Variants in SNTG1 observed in about 807,000 individuals in gnomAD.
SNTG1 encodes the protein gamma-1-syntrophin.
A neutral mutation model predicts 74.7 loss-of-function variants in SNTG1; 39 were observed. That is an observed-to-expected ratio of 0.52 (90% CI 0.40 to 0.68). The LOEUF is 0.68. Ranked by LOEUF, SNTG1 falls within the 30% of genes least tolerant of loss-of-function variation. SNTG1 has a pLI of 0.00. For synonymous variants in SNTG1, 254 were observed against 217.1 expected, an observed-to-expected ratio of 1.17 and a Z score of -1.49; for missense variants, 685 against 609.5, an observed-to-expected ratio of 1.12 and a Z score of -1.30.
chr8:50,471,576 A>G (rs909039099), intron 8 of SNTG1, among the ~76,000 whole-genome samples: 4 of 152,166 alleles, frequency 2.6e-5, no homozygotes, highest in Admixed American at 6.5e-5. Context: ...CAAGTTACAT[A>G]TTATCTTAGC....
chr8:50,470,478 G>T (rs1283431464), intron 8 of SNTG1, among the ~76,000 whole-genome samples: 2 of 152,076 alleles, frequency 1.3e-5, no homozygotes, highest in Non-Finnish European at 1.5e-5. Context: ...GTGGGTTCAT[G>T]GTCTTCCCGA....
chr8:50,752,150 C>A, intron 18 of SNTG1, 39 bp downstream of exon 18: 1 of 1,097,734 alleles, frequency 9.1e-7, no homozygotes, highest in Non-Finnish European at 1.3e-6. Context: ...CCTCTAACTA[C>A]ATTAATGCCA....
chr8:49,950,216 A>T (rs981174906), intron 1 of SNTG1, among the ~76,000 whole-genome samples: 1 of 152,254 alleles, frequency 6.6e-6, no homozygotes, highest in Admixed American at 6.5e-5. Flanking sequence ...ATATCTTTAC[A>T]GACTCTTCTC....
At chr8:49,972,559 T>C (rs1472453424) in intron 1 of SNTG1, among the ~76,000 whole-genome samples, 2 of 151,882 alleles carry the variant, frequency 1.3e-5, no homozygotes, top group African/African-American at 4.8e-5. Flanking sequence ...CAAAAGAAAC[T>C]ACCATCAGAG....
At chr8:50,259,089 A>T (rs1416328913) in intron 2 of SNTG1, among the ~76,000 whole-genome samples, 2 of 152,318 alleles carry the variant, frequency 1.3e-5, no homozygotes, top group East Asian at 1.9e-4. Flanking sequence ...ATGACTTCTC[A>T]TTATTTACAA....
intron 17 of SNTG1, among the ~76,000 whole-genome samples, chr8:50,747,371 C>T (rs1016450867): frequency 2.6e-5 from 4 of 151,950 alleles, no homozygotes; most frequent in East Asian, 1.9e-4. Context: ...GCGTGCTACT[C>T]ATATTCCTCC....
chr8:50,462,794 CTCTTTTTTTT>C (rs1467495043), intron 8 of SNTG1, among the ~76,000 whole-genome samples: 14,407 of 43,548 alleles, frequency 0.33, 5,338 homozygotes, highest in East Asian at 0.48. Context: ...TCAGGTTCTA[CTCTTTTTTTT>C]TTTTTTTTTT....
chr8:50,420,489 G>C (rs552143204), intron 4 of SNTG1, among the ~76,000 whole-genome samples: 1 of 152,122 alleles, frequency 6.6e-6, no homozygotes, highest in Non-Finnish European at 1.5e-5. Flanking sequence ...TATAAGAAAA[G>C]TATTTCATTA....
At position 50,449,662 on chromosome 8, in the gene SNTG1, T is replaced by A; in HGVS notation, c.220-6T>A. ...AAAAGTACAATATATGATTTTCTCTTTTCAGGGAGGAGCAGAACATAACAT... is the reference window on the plus strand; with the variant it reads ...AAAAGTACAATATATGATTTTCTCTATTCAGGGAGGAGCAGAACATAACAT... On this transcript the variant is annotated splice_region_variant and splice_polypyrimidine_tract_variant and intron_variant, in intron 5 of 18. Coordinates refer to ENST00000642720, the MANE Select transcript of SNTG1 (RefSeq NM_018967.5). 1 of 1,587,704 alleles carries A rather than the reference T, an allele frequency of 6.3e-7. No individual in the cohort carries two copies. Among genetic ancestry groups the A allele is most frequent in the Non-Finnish European group, 8.6e-7 (1 of 1,166,060 alleles).
chr8:50,679,894 G>A (rs1480918194), intron 15 of SNTG1, among the ~76,000 whole-genome samples: 1 of 152,170 alleles, frequency 6.6e-6, no homozygotes, highest in African/African-American at 2.4e-5. Flanking sequence ...AGGAAATTGA[G>A]AGAGGGTCAA....
At chr8:50,778,263 C>T (rs12547335) in intron 18 of SNTG1, among the ~76,000 whole-genome samples, 32,097 of 152,068 alleles carry the variant, frequency 0.21, 3,512 homozygotes, top group South Asian at 0.33. Context: ...TTCTAGATCC[C>T]TGAGGAATCG....
At chr8:50,540,420 G>A (rs1296752939) in intron 11 of SNTG1, among the ~76,000 whole-genome samples, 2 of 151,916 alleles carry the variant, frequency 1.3e-5, no homozygotes, top group Admixed American at 6.6e-5. Context: ...CAGCATATAC[G>A]TTATTTTGGG....
chr8:49,990,600 G>A (rs529716208), intron 1 of SNTG1, among the ~76,000 whole-genome samples: 35 of 152,092 alleles, frequency 2.3e-4, no homozygotes, highest in African/African-American at 4.8e-4. Flanking sequence ...TAATATTGGC[G>A]TAATGATAGA....
At chr8:50,230,333 A>G (rs1027809889) in intron 2 of SNTG1, among the ~76,000 whole-genome samples, 1 of 151,234 alleles carries the variant, frequency 6.6e-6, no homozygotes, top group Non-Finnish European at 1.5e-5. Flanking sequence ...GAAAACAGAG[A>G]AGACATAAAT....
chr8:49,972,867 G>C (rs943866262), intron 1 of SNTG1, among the ~76,000 whole-genome samples: 6 of 152,170 alleles, frequency 3.9e-5, no homozygotes, highest in Non-Finnish European at 5.9e-5. Flanking sequence ...GGAAACAACA[G>C]GTGCTGGAGA....
chr8:50,381,818 A>T (rs903353263), intron 2 of SNTG1: 13 of 138,062 alleles, frequency 9.4e-5, no homozygotes, highest in African/African-American at 3.5e-4. Flanking sequence ...GTAGCTATAT[A>T]TATAACATAT....
At chr8:50,312,299 T>G (rs2090143782) in intron 2 of SNTG1, among the ~76,000 whole-genome samples, 1 of 152,144 alleles carries the variant, frequency 6.6e-6, no homozygotes, top group African/African-American at 2.4e-5. Flanking sequence ...CCCGCTAGTC[T>G]TATTTCCAAG....
chr8:50,381,836 T>TATTATATATATATATTA lies in SNTG1; in HGVS notation c.-27-12376_-27-12375insATTATATATATATATTA, dbSNP rs1251572214. ...GCTATATATATAACATATATATATA[T>TATTATATATATATATTA]TATATATATATATATATGAAGGGGA... is the stretch of plus-strand genomic sequence containing the variant. On this transcript the variant is annotated intron_variant, in intron 2 of 18. Coordinates refer to ENST00000642720, the MANE Select transcript of SNTG1 (RefSeq NM_018967.5). The TATTATATATATATATTA allele has an allele frequency of 1.2e-3, 120 of 98,930 alleles. 2 individuals carry two copies. The highest frequency in any genetic ancestry group is 3.7e-3 in the African/African-American group (106 of 28,982). 6.1% of individuals were successfully genotyped at this position (98,930 alleles called of 1,614,324 possible). A position where few individuals can be genotyped will look rare whatever the true frequency, so the allele number is the denominator to read the frequency against.
chr8:50,787,759 G>A (rs1407845770), intron 18 of SNTG1, among the ~76,000 whole-genome samples: 1 of 151,934 alleles, frequency 6.6e-6, no homozygotes, highest in East Asian at 1.9e-4. Context: ...TATCTTATGT[G>A]TATGATACTA....
Sources: allele counts gnomAD v4.1 joint callset (sites outside exome capture counted in the v4.1 genomes callset), GRCh38; gene constraint gnomAD v4.1.1; transcripts MANE v1.5; gene names NCBI Gene and HGNC (gene_info 2026-07-23, HGNC 2026-07-21).